The following CXCL13 variants were observed in gnomAD, a reference collection of about 807,000 sequenced individuals.
The protein encoded by CXCL13 is C-X-C motif chemokine ligand 13, also known as C-X-C motif chemokine 13.
Under a neutral mutation model 12.2 loss-of-function variants are expected in CXCL13, and 7 were observed. The observed-to-expected ratio is 0.57, with a 90% confidence interval of 0.33 to 1.07. The LOEUF (loss-of-function observed/expected upper bound fraction) is 1.07. CXCL13 is among the 50% of genes least tolerant of loss of function. The pLI is 0.04. For synonymous variants in CXCL13, 47 were observed against 42.4 expected, an observed-to-expected ratio of 1.11 and a Z score of -0.42; for missense variants, 113 against 127.4, an observed-to-expected ratio of 0.89 and a Z score of 0.55.
intron 1 of CXCL13, among the ~76,000 whole-genome samples, chr4:77,539,411 G>A (rs1021491564): frequency 1.3e-5 from 2 of 152,176 alleles, no homozygotes; most frequent in Admixed American, 6.5e-5. Context: ...ACAAGCATGA[G>A]CCACTGCACC....
upstream of CXCL13, chr4:77,605,692 T>TA: frequency 2.4e-6 from 1 of 412,208 alleles, no homozygotes; most frequent in Non-Finnish European, 4.4e-6. Flanking sequence ...AGAGAAGTTT[T>TA]AAAAAAGCAA....
intron 1 of CXCL13, among the ~76,000 whole-genome samples, chr4:77,600,162 T>C (rs910615349): frequency 1.4e-4 from 22 of 151,788 alleles, no homozygotes; most frequent in African/African-American, 4.8e-4. Context: ...TATGAAGAAA[T>C]GACCAGTAAT....
intron 1 of CXCL13, among the ~76,000 whole-genome samples, chr4:77,530,989 G>T (rs1469132541): frequency 6.6e-6 from 1 of 151,188 alleles, no homozygotes; most frequent in Non-Finnish European, 1.5e-5. Flanking sequence ...TGTTCTCGTT[G>T]GTTTCAAAGA....
chr4:77,610,339 G>A (rs372668751), intron 2 of CXCL13, among the ~76,000 whole-genome samples: 25 of 152,120 alleles, frequency 1.6e-4, no homozygotes, highest in Admixed American at 9.8e-4. Context: ...TCCAATGCAC[G>A]TAAATGTTAT....
At chr4:77,566,932 G>T (rs1229800699) in intron 1 of CXCL13, among the ~76,000 whole-genome samples, 1 of 152,164 alleles carries the variant, frequency 6.6e-6, no homozygotes, top group Admixed American at 6.5e-5. Context: ...CCTGTGACCT[G>T]CACCTATACA....
chr4:77,550,136 G>C (rs1400362226), intron 1 of CXCL13, among the ~76,000 whole-genome samples: 1 of 152,192 alleles, frequency 6.6e-6, no homozygotes, highest in East Asian at 1.9e-4. Context: ...GTTGGCATGG[G>C]ATCTGCTGAG....
At chr4:77,538,486 C>T (rs1466418646) in intron 1 of CXCL13, among the ~76,000 whole-genome samples, 1 of 149,148 alleles carries the variant, frequency 6.7e-6, no homozygotes, top group Non-Finnish European at 1.5e-5. Flanking sequence ...CAGAAAACAT[C>T]ACCTTTTCTC....
At chr4:77,525,543 G>C (rs1450256665) in intron 1 of CXCL13, among the ~76,000 whole-genome samples, 1 of 152,064 alleles carries the variant, frequency 6.6e-6, no homozygotes, top group Non-Finnish European at 1.5e-5. Flanking sequence ...GATTAATACT[G>C]TCTATTAGCT....
intron 1 of CXCL13, among the ~76,000 whole-genome samples, chr4:77,579,275 C>T (rs1428052513): frequency 2.0e-5 from 3 of 152,196 alleles, no homozygotes; most frequent in Non-Finnish European, 1.5e-5. Flanking sequence ...CTTGCTTTCC[C>T]CCCAACCCCC....
chr4:77,513,796 T>C (rs977833878), intron 1 of CXCL13, among the ~76,000 whole-genome samples: 5 of 145,270 alleles, frequency 3.4e-5, no homozygotes, highest in Admixed American at 2.0e-4. Context: ...TGGTGTGAGA[T>C]GGTATCTCTT....
At chr4:77,572,457 A>C (rs1415451956) in intron 1 of CXCL13, among the ~76,000 whole-genome samples, 3 of 151,888 alleles carry the variant, frequency 2.0e-5, no homozygotes, top group Non-Finnish European at 4.4e-5. Context: ...AAAAGAAGAC[A>C]TACATGTGGT....
intron 1 of CXCL13, among the ~76,000 whole-genome samples, chr4:77,512,239 A>C (rs894753030): frequency 2.6e-5 from 4 of 152,244 alleles, no homozygotes; most frequent in African/African-American, 9.6e-5. Context: ...CTCTCAGTTT[A>C]GTGTAGTTAC....
chr4:77,566,141 C>G (rs1035031797), intron 1 of CXCL13, among the ~76,000 whole-genome samples: 1 of 152,168 alleles, frequency 6.6e-6, no homozygotes, highest in Non-Finnish European at 1.5e-5. Flanking sequence ...ACATATAATT[C>G]TAATAAAAGT....
Position 77,513,804 on chromosome 4 carries a change from CTTTT to C in CXCL13, c.-43+2029_-43+2032del, listed in dbSNP as rs113540218. 3.6e-4 allele frequency among the ~76,000 whole-genome samples: 51 copies of C among 140,768 alleles called. 1 individual carries two copies. The highest frequency in any genetic ancestry group is 7.6e-3 in the Middle Eastern group (2 of 264). The allele number at this position is 140,768 out of a possible 152,430, so 92.3% of individuals were successfully genotyped here. On this transcript the variant is annotated intron_variant, in intron 1 of 4. Transcript: ENST00000286758. ...TTCTAACTGGTGTGAGATGGTATCT[CTTTT>C]TTTTTTTTTTTTATACTTTAAGTTT...
At chr4:77,594,067 T>A (rs1162104590) in intron 1 of CXCL13, among the ~76,000 whole-genome samples, 2 of 152,188 alleles carry the variant, frequency 1.3e-5, no homozygotes. Flanking sequence ...CTTTAAAAAG[T>A]GACATTTGCC....
chr4:77,576,171 G>A (rs928323482), intron 1 of CXCL13, among the ~76,000 whole-genome samples: 8 of 149,722 alleles, frequency 5.3e-5, no homozygotes. Flanking sequence ...CAGGACTCAT[G>A]AAGAGCTGAA....
chr4:77,528,749 G>C (rs1724834113), intron 1 of CXCL13, among the ~76,000 whole-genome samples: 1 of 152,146 alleles, frequency 6.6e-6, no homozygotes, highest in Non-Finnish European at 1.5e-5. Flanking sequence ...TCTAATGGTA[G>C]TTTCCTTTGC....
At chr4:77,524,063 AGAACAGCAAATATTGCT>A in intron 1 of CXCL13, among the ~76,000 whole-genome samples, 1 of 152,118 alleles carries the variant, frequency 6.6e-6, no homozygotes, top group East Asian at 1.9e-4. Flanking sequence ...CAAATATTGC[AGAACAGCAAATATTGCT>A]GCCTGATCCT....
intron 1 of CXCL13, among the ~76,000 whole-genome samples, chr4:77,545,343 G>A (rs936760218): frequency 6.6e-6 from 1 of 152,110 alleles, no homozygotes; most frequent in African/African-American, 2.4e-5. Flanking sequence ...TGGACAGTAT[G>A]GCCATTTTCA....
Sources: allele counts gnomAD v4.1 joint callset (sites outside exome capture counted in the v4.1 genomes callset), GRCh38; gene constraint gnomAD v4.1.1; transcripts MANE v1.5; gene names NCBI Gene and HGNC (gene_info 2026-07-23, HGNC 2026-07-21).